Variants in SYT16 observed in about 807,000 individuals in gnomAD.
The protein encoded by SYT16 is synaptotagmin 16.
Under a neutral mutation model 61.4 loss-of-function variants are expected in SYT16, and 42 were observed. That is an observed-to-expected ratio of 0.68 (90% CI 0.53 to 0.89). The LOEUF (loss-of-function observed/expected upper bound fraction) is 0.89, where lower values mean the gene tolerates loss of function less well. Ranked by LOEUF, SYT16 falls within the 40% of genes least tolerant of loss-of-function variation. SYT16 has a pLI of 0.00. For synonymous variants in SYT16, 314 were observed against 302.3 expected, an observed-to-expected ratio of 1.04 and a Z score of -0.40; for missense variants, 804 against 807.3, an observed-to-expected ratio of 1.00 and a Z score of 0.05.
chr14:62,098,320 AT>A (rs968828650), intron 7 of SYT16, among the ~76,000 whole-genome samples: 1 of 152,246 alleles, frequency 6.6e-6, no homozygotes, highest in Non-Finnish European at 1.5e-5. Context: ...ACACCCTAAC[AT>A]TTTGAGTTTT....
At chr14:62,010,271 G>GTGA (rs2053392314) in intron 3 of SYT16, among the ~76,000 whole-genome samples, 1 of 152,134 alleles carries the variant, frequency 6.6e-6, no homozygotes, top group South Asian at 2.1e-4. Context: ...AACATGTCAG[G>GTGA]TGATGAAAAG....
At chr14:61,962,613 T>C (rs1369965546) in intron 1 of SYT16, among the ~76,000 whole-genome samples, 1 of 152,142 alleles carries the variant, frequency 6.6e-6, no homozygotes, top group Non-Finnish European at 1.5e-5. Flanking sequence ...CTTTCTATAT[T>C]CTCCTTTTTG....
intron 1 of SYT16, among the ~76,000 whole-genome samples, chr14:61,942,851 T>A (rs2050260384): frequency 6.6e-6 from 1 of 152,010 alleles, no homozygotes; most frequent in Non-Finnish European, 1.5e-5. Flanking sequence ...TATAAATCAG[T>A]TGAAAAACAA....
At chr14:61,945,855 C>CAAAAAAA in intron 1 of SYT16, among the ~76,000 whole-genome samples, 1 of 64,512 alleles carries the variant, frequency 1.6e-5, no homozygotes, top group Non-Finnish European at 3.1e-5. Flanking sequence ...GACTCCGTCT[C>CAAAAAAA]AAAAAAAAAA....
At chr14:61,954,673 A>G (rs2050801894) in intron 1 of SYT16, among the ~76,000 whole-genome samples, 2 of 152,122 alleles carry the variant, frequency 1.3e-5, no homozygotes, top group Non-Finnish European at 2.9e-5. Flanking sequence ...TAGCATTTGT[A>G]TATAGGGATG....
chr14:62,100,835 G>T lies in SYT16; in HGVS notation c.*128G>T. The T allele has an allele frequency of 1.1e-6, 1 of 935,944 alleles. No homozygotes were observed. Among genetic ancestry groups the T allele is most frequent in the Non-Finnish European group, 1.6e-6 (1 of 642,300 alleles). The allele number at this position is 935,944 out of a possible 1,614,324, so 58.0% of individuals were successfully genotyped here. On this transcript the variant is annotated 3_prime_UTR_variant, in exon 8 of 8. Coordinates refer to ENST00000683842, the MANE Select transcript of SYT16 (RefSeq NM_001367656.1). ...ATTCCACTAACCCCTAGGACATTGTGAGTGGGAGTTTTGGGTTTCTCAATG... is the reference window on the plus strand; with the variant it reads ...ATTCCACTAACCCCTAGGACATTGTTAGTGGGAGTTTTGGGTTTCTCAATG...
intron 3 of SYT16, among the ~76,000 whole-genome samples, chr14:62,052,407 G>T (rs1284615906): frequency 6.6e-6 from 1 of 152,188 alleles, no homozygotes; most frequent in African/African-American, 2.4e-5. Context: ...TTTTAACGGT[G>T]TTGAAATTAG....
intron 1 of SYT16, among the ~76,000 whole-genome samples, chr14:61,913,963 G>T (rs1468581745): frequency 6.6e-6 from 1 of 152,082 alleles, no homozygotes; most frequent in Non-Finnish European, 1.5e-5. Context: ...ACATTTTAAA[G>T]CAGGTCTTGG....
intron 1 of SYT16, among the ~76,000 whole-genome samples, chr14:61,906,904 A>AC (rs1314533335): frequency 2.6e-5 from 4 of 152,246 alleles, no homozygotes; most frequent in African/African-American, 9.6e-5. Context: ...TAAATGAGAC[A>AC]CACAGCACTT....
At chr14:61,928,832 T>A (rs2049642353) in intron 1 of SYT16, among the ~76,000 whole-genome samples, 1 of 152,164 alleles carries the variant, frequency 6.6e-6, no homozygotes, top group African/African-American at 2.4e-5. Context: ...AGGAACACGA[T>A]AATGAGGATA....
chr14:61,839,080 G>C (rs923195202), intron 1 of SYT16, among the ~76,000 whole-genome samples: 8 of 151,818 alleles, frequency 5.3e-5, no homozygotes, highest in African/African-American at 1.7e-4. Flanking sequence ...TGCTAGGAGA[G>C]GAATACAGCT....
chr14:62,067,478 A>G (rs2056109505), intron 3 of SYT16, among the ~76,000 whole-genome samples: 2 of 152,154 alleles, frequency 1.3e-5, no homozygotes, highest in South Asian at 4.1e-4. Flanking sequence ...AGGAGGAACA[A>G]TCTCGGCCTG....
At chr14:62,036,906 T>C (rs2054532231) in intron 3 of SYT16, among the ~76,000 whole-genome samples, 2 of 152,054 alleles carry the variant, frequency 1.3e-5, no homozygotes, top group Admixed American at 1.3e-4. Context: ...GGAGCACTGG[T>C]GCCAAGAGAT....
At chr14:61,993,677 G>A (rs757693095) in intron 2 of SYT16, among the ~76,000 whole-genome samples, 3 of 151,994 alleles carry the variant, frequency 2.0e-5, no homozygotes, top group Non-Finnish European at 4.4e-5. Flanking sequence ...ACTTTGAGTG[G>A]CGAAATGGGA....
chr14:61,950,225 C>T (rs575722686), intron 1 of SYT16, among the ~76,000 whole-genome samples: 3 of 152,056 alleles, frequency 2.0e-5, no homozygotes, highest in South Asian at 2.1e-4. Context: ...AAATTGTTTA[C>T]GTCTCTAAAT....
intron 1 of SYT16, among the ~76,000 whole-genome samples, chr14:61,938,962 T>C (rs1183057072): frequency 1.3e-5 from 2 of 152,030 alleles, no homozygotes; most frequent in Non-Finnish European, 2.9e-5. Context: ...TGGTGAAACC[T>C]CGTCTCTACT....
intron 1 of SYT16, among the ~76,000 whole-genome samples, chr14:61,948,249 T>A (rs1463815494): frequency 6.6e-6 from 1 of 152,028 alleles, no homozygotes; most frequent in Non-Finnish European, 1.5e-5. Context: ...GTGTGTAAAA[T>A]AATCATTTTT....
At chr14:61,933,145 G>C (rs866602267) in intron 1 of SYT16, among the ~76,000 whole-genome samples, 5 of 152,158 alleles carry the variant, frequency 3.3e-5, no homozygotes, top group African/African-American at 7.2e-5. Context: ...TCGGTTTATG[G>C]AGTGTTCCGT....
At chr14:62,043,783 T>C (rs993475112) in intron 3 of SYT16, among the ~76,000 whole-genome samples, 2 of 152,158 alleles carry the variant, frequency 1.3e-5, no homozygotes, top group African/African-American at 2.4e-5. Context: ...AACCTGTCAA[T>C]GAGATTAATT....
Sources: gnomAD v4.1 joint callset for allele counts (sites outside exome capture counted in the v4.1 genomes callset) on GRCh38, gnomAD v4.1.1 for gene constraint, MANE v1.5 for transcripts, NCBI Gene and HGNC (gene_info 2026-07-23, HGNC 2026-07-21) for gene names.